Variants in PICALM observed in about 807,000 individuals in gnomAD.
The protein encoded by PICALM is phosphatidylinositol binding clathrin assembly protein, also known as phosphatidylinositol-binding clathrin assembly protein.
PICALM carries 40 observed loss-of-function variants against 80.5 expected under a neutral mutation model. The ratio of observed to expected loss-of-function variants is 0.50; its 90% CI spans 0.39 to 0.65. PICALM has a LOEUF of 0.65. Among genes scored for constraint, PICALM ranks in the 30% least tolerant of loss-of-function variants. The probability of loss-of-function intolerance (pLI) is 0.00; values close to 1 mark genes in which losing one functional copy is unlikely to be tolerated. For synonymous variants in PICALM, 288 were observed against 260.3 expected (o/e 1.11, Z -1.02); for missense variants, 676 against 778.9 (o/e 0.87, Z 1.57).
At chr11:85,987,382 C>T (rs927258848) in intron 13 of PICALM, among the ~76,000 whole-genome samples, 7 of 152,008 alleles carry the variant, frequency 4.6e-5, no homozygotes, top group Admixed American at 2.6e-4. Context: ...TTTCACCTTA[C>T]ATAATATAGT....
intron 3 of PICALM, 21 bp downstream of exon 3, chr11:86,026,271 T>A: frequency 1.5e-6 from 2 of 1,336,946 alleles, no homozygotes; most frequent in Middle Eastern, 1.8e-4. Flanking sequence ...TGATTTTCTA[T>A]AATGTAAAAG....
In PICALM at chr11:85,983,860, C is replaced by A; in HGVS notation, c.1516+6G>T. On this transcript the variant is annotated splice_donor_region_variant and intron_variant, in intron 14 of 19. Coordinates refer to ENST00000393346, the MANE Select transcript of PICALM (RefSeq NM_007166.4). ...TAATATTTTTAATAAAATTTTTTTT[C>A]CTTACCCCCAGAATCTACAATAACA... 7.8e-7 allele frequency: 1 copy of A among 1,287,114 alleles called. No homozygotes were observed. The highest frequency in any genetic ancestry group is 1.3e-5 in the South Asian group (1 of 74,838). 79.7% of individuals were successfully genotyped at this position (1,287,114 alleles called of 1,614,324 possible).
chr11:86,016,086 TG>T (rs1345078595), intron 4 of PICALM, among the ~76,000 whole-genome samples: 1 of 152,224 alleles, frequency 6.6e-6, no homozygotes, highest in Admixed American at 6.5e-5. Flanking sequence ...TGCTGGAGCT[TG>T]GGCTGAGGAC....
At chr11:86,008,978 G>A (rs1351706938) in intron 7 of PICALM, among the ~76,000 whole-genome samples, 29 of 149,418 alleles carry the variant, frequency 1.9e-4, no homozygotes, top group Admixed American at 5.3e-4. Flanking sequence ...GAAAAAAAGC[G>A]TAAGGTAAGG....
At chr11:85,969,287 T>C (rs1263695225) in intron 19 of PICALM, among the ~76,000 whole-genome samples, 2 of 152,192 alleles carry the variant, frequency 1.3e-5, no homozygotes, top group Non-Finnish European at 2.9e-5. Flanking sequence ...ATAATAGTAA[T>C]CAGGCAAGAG....
At chr11:86,021,150 C>A (rs1352292551) in intron 4 of PICALM, among the ~76,000 whole-genome samples, 2 of 152,166 alleles carry the variant, frequency 1.3e-5, no homozygotes, top group South Asian at 4.1e-4. Flanking sequence ...GAGTTCAAGA[C>A]CAGCCTTGGC....
At chr11:86,018,341 G>C (rs116749989) in intron 4 of PICALM, among the ~76,000 whole-genome samples, 1,908 of 152,240 alleles carry the variant, frequency 0.013, 46 homozygotes, top group African/African-American at 0.044. Context: ...TTTTCATGAT[G>C]ATGGAAGAAT....
chr11:86,045,655 T>C (rs2096061405), intron 1 of PICALM, among the ~76,000 whole-genome samples: 1 of 151,988 alleles, frequency 6.6e-6, no homozygotes, highest in Non-Finnish European at 1.5e-5. Flanking sequence ...AAATTTTATA[T>C]AGATCTATAT....
intron 14 of PICALM, chr11:85,982,243 A>C: frequency 2.3e-6 from 1 of 437,194 alleles, no homozygotes; most frequent in Non-Finnish European, 4.2e-6. Context: ...AAATTACATT[A>C]GGGTTAAAGG....
rs1281127593 is a variant in PICALM, at chr11:85,958,031, C to T, written c.*1015G>A. 1 of 225,784 alleles carries T rather than the reference C, an allele frequency of 4.4e-6. No individual in the cohort carries two copies. The highest frequency in any genetic ancestry group is 5.7e-5 in the Admixed American group (1 of 17,516). 14.0% of individuals were successfully genotyped at this position (225,784 alleles called of 1,614,324 possible). ...TTCAAGGACTTTGCCCCCCTTCCCT[C>T]CCCCTTGTAACACCTTCTAGAGTTT... is the stretch of plus-strand genomic sequence containing the variant. On this transcript the variant is annotated 3_prime_UTR_variant, in exon 20 of 20. Coordinates refer to ENST00000393346, the MANE Select transcript of PICALM (RefSeq NM_007166.4).
chr11:85,992,533 G>A (rs1345891972), intron 12 of PICALM, among the ~76,000 whole-genome samples: 5 of 151,906 alleles, frequency 3.3e-5, no homozygotes, highest in African/African-American at 9.7e-5. Context: ...TGATCCACCC[G>A]CCTTGGCCTC....
intron 1 of PICALM, among the ~76,000 whole-genome samples, chr11:86,052,645 C>CT (rs2096208837): frequency 6.6e-6 from 1 of 152,196 alleles, no homozygotes; most frequent in South Asian, 2.1e-4. Flanking sequence ...ATCAGCAAAA[C>CT]TCCTTGCCTT....
chr11:86,022,756 T>C (rs1435116298), intron 3 of PICALM, among the ~76,000 whole-genome samples: 1 of 146,716 alleles, frequency 6.8e-6, no homozygotes, highest in Non-Finnish European at 1.5e-5. Context: ...TCTTTATTCA[T>C]CAGGAATTAG....
intron 1 of PICALM, among the ~76,000 whole-genome samples, chr11:86,040,003 C>CAAAAAAA (rs752086947): frequency 7.5e-5 from 4 of 53,380 alleles, no homozygotes; most frequent in Admixed American, 4.2e-4. Flanking sequence ...GACGCCGTCT[C>CAAAAAAA]AAAAAAAAAA....
At chr11:86,023,466 G>A (rs1054621317) in intron 3 of PICALM, 3 of 984,886 alleles carry the variant, frequency 3.0e-6, no homozygotes, top group Non-Finnish European at 3.6e-6. Flanking sequence ...CAGCTCTTCG[G>A]TTCATATGGT....
At chr11:86,056,896 C>T (rs555277880) in intron 1 of PICALM, among the ~76,000 whole-genome samples, 1 of 152,274 alleles carries the variant, frequency 6.6e-6, no homozygotes, top group South Asian at 2.1e-4. Context: ...AACATTATAA[C>T]TGAAAGAAGC....
intron 5 of PICALM, among the ~76,000 whole-genome samples, chr11:86,013,491 AC>A (rs1428013421): frequency 6.6e-6 from 1 of 152,148 alleles, no homozygotes; most frequent in Non-Finnish European, 1.5e-5. Flanking sequence ...ATAGAAACAC[AC>A]ACACACACAG....
chr11:86,013,314 C>CA (rs1565411107), intron 5 of PICALM, among the ~76,000 whole-genome samples: 1 of 150,472 alleles, frequency 6.6e-6, no homozygotes, highest in African/African-American at 2.4e-5. Flanking sequence ...AATGCTGTCT[C>CA]AAAAAAACAA....
At chr11:86,058,339 A>G (rs2096302409) in intron 1 of PICALM, among the ~76,000 whole-genome samples, 1 of 152,204 alleles carries the variant, frequency 6.6e-6, no homozygotes. Flanking sequence ...ACAATTGAGT[A>G]TATTCTGTGA....
Sources: gnomAD v4.1 joint callset for allele counts (sites outside exome capture counted in the v4.1 genomes callset) on GRCh38, gnomAD v4.1.1 for gene constraint, MANE v1.5 for transcripts, NCBI Gene and HGNC (gene_info 2026-07-23, HGNC 2026-07-21) for gene names.